SLC3A1: variants seen among roughly 807,000 people sequenced by gnomAD.
The protein encoded by SLC3A1 is amino acid transporter heavy chain SLC3A1.
In SLC3A1, 78 loss-of-function variants were observed where a neutral mutation model predicts 60.3. The ratio of observed to expected loss-of-function variants is 1.29; its 90% CI spans 1.08 to 1.56. The LOEUF (loss-of-function observed/expected upper bound fraction) is 1.56, where lower values mean the gene tolerates loss of function less well. Among genes scored for constraint, SLC3A1 ranks in the 40% most tolerant of loss-of-function variants. The probability of loss-of-function intolerance (pLI) is 0.00; values close to 1 mark genes in which losing one functional copy is unlikely to be tolerated. For missense variants in SLC3A1, 1,172 were observed against 858.9 expected (o/e 1.36, Z -4.56); for synonymous variants, 392 against 307.9 (o/e 1.27, Z -2.86).
intron 7 of SLC3A1, among the ~76,000 whole-genome samples, chr2:44,309,750 C>T (rs1250884646): frequency 6.6e-6 from 1 of 152,036 alleles, no homozygotes; most frequent in Non-Finnish European, 1.5e-5. Context: ...AGGCATGTGC[C>T]AACATGACTG....
chr2:44,304,149 G>T lies in SLC3A1; in HGVS notation c.1143G>T (p.Met381Ile), dbSNP rs1450242721. Reference protein sequence around the residue: ...YSTEPGRYRFMGTEAYAESID... With the variant: ...YSTEPGRYRFIGTEAYAESID... ...ACCTTGTCAACTCTTATAGGTTCAT[G>T]GGGACTGAAGCCTATGCAGAGAGTA... is the stretch of plus-strand genomic sequence containing the variant. The change falls in exon 7 of 10, where the codon ATG becomes ATT. Residue 381 changes from methionine to isoleucine, a missense_variant. Met to Ile is a conservative substitution (Grantham distance 10). Coordinates refer to ENST00000260649, the MANE Select transcript of SLC3A1 (RefSeq NM_000341.4). The T allele has an allele frequency of 6.2e-7, 1 of 1,613,634 alleles. No homozygotes were observed. Among genetic ancestry groups the T allele is most frequent in the Non-Finnish European group, 8.5e-7 (1 of 1,179,658 alleles).
At chr2:44,288,712 C>T (rs72802973) in intron 4 of SLC3A1, among the ~76,000 whole-genome samples, 7,800 of 152,332 alleles carry the variant, frequency 0.051, 275 homozygotes, top group Non-Finnish European at 0.081. Flanking sequence ...AGTGGCATCT[C>T]ACTGGTTGTA....
intron 9 of SLC3A1, among the ~76,000 whole-genome samples, chr2:44,316,626 G>C (rs1558471644): frequency 1.3e-5 from 2 of 152,170 alleles, no homozygotes; most frequent in African/African-American, 2.4e-5. Context: ...GAACAGGTAG[G>C]ATAAAGAGAA....
chr2:44,282,021 G>A (rs78164933), intron 3 of SLC3A1, among the ~76,000 whole-genome samples: 4,206 of 152,132 alleles, frequency 0.028, 103 homozygotes, highest in Middle Eastern at 0.048. Flanking sequence ...ACAGGCGCGC[G>A]TCATCATACT....
At chr2:44,297,736 C>T (rs1282780837) in intron 4 of SLC3A1, among the ~76,000 whole-genome samples, 1 of 152,146 alleles carries the variant, frequency 6.6e-6, no homozygotes, top group Admixed American at 6.5e-5. Context: ...GTTTCAGAGG[C>T]CTACAGACAT....
At position 44,320,683 on chromosome 2, in the gene SLC3A1, T is replaced by C. The variant is rs200953276; in HGVS notation, c.*44T>C. The C allele has an allele frequency of 3.9e-4, 546 of 1,415,566 alleles. 2 individuals carry two copies. The highest frequency in any genetic ancestry group is 1.8e-3 in the Middle Eastern group (10 of 5,666). 87.7% of individuals were successfully genotyped at this position (1,415,566 alleles called of 1,614,324 possible). ...GAAGACACTGGCATTTCAGTGGGAT[T>C]GTAAGCATTTGTAATAGCTTCATGT... On this transcript the variant is annotated 3_prime_UTR_variant, in exon 10 of 10. Coordinates refer to ENST00000260649, the MANE Select transcript of SLC3A1 (RefSeq NM_000341.4).
In SLC3A1 at chr2:44,320,739, T is replaced by C. The variant is rs886056074; in HGVS notation, c.*100T>C. On this transcript the variant is annotated 3_prime_UTR_variant, in exon 10 of 10. Transcript: ENST00000260649. Reference sequence around the variant, plus strand: ...ATGCTGCTTGGTGAACAATCATTAATTCTTCGATATTTCTGTAGCTTGAAT... The same window carrying C: ...ATGCTGCTTGGTGAACAATCATTAACTCTTCGATATTTCTGTAGCTTGAAT... 9 of 924,100 alleles carry C rather than the reference T, an allele frequency of 9.7e-6. No homozygotes were observed. The highest frequency in any genetic ancestry group is 1.6e-5 in the African/African-American group (1 of 61,330). The allele number at this position is 924,100 out of a possible 1,614,324, so 57.2% of individuals were successfully genotyped here. A position where few individuals can be genotyped will look rare whatever the true frequency, so the allele number is the denominator to read the frequency against.
At chr2:44,307,930 A>G (rs529989992) in intron 7 of SLC3A1, among the ~76,000 whole-genome samples, 15 of 152,314 alleles carry the variant, frequency 9.8e-5, no homozygotes, top group Middle Eastern at 3.4e-3. Flanking sequence ...CACATGCTAA[A>G]AAGACTATTC....
chr2:44,312,774 C>CAGCTATAAATACAAG lies in SLC3A1; in HGVS notation c.1500+21_1500+22insAGCTATAAATACAAG, dbSNP rs541213039. On this transcript the variant is annotated intron_variant, in intron 8 of 9. Transcript: ENST00000260649. ...ATATTGTAAGTTGAATACAACTTGA[C>CAGCTATAAATACAAG]TATTCATCACAGCTATAAAACCAAG... 7,713 of 1,596,060 alleles carry CAGCTATAAATACAAG rather than the reference C, an allele frequency of 4.8e-3. 350 individuals carry two copies. In the African/African-American group the frequency reaches 0.09, roughly 19 times the overall value.
intron 9 of SLC3A1, chr2:44,319,015 CTT>C (rs1458179849): frequency 6.6e-6 from 1 of 152,308 alleles, no homozygotes; most frequent in East Asian, 1.9e-4. Context: ...CCGGGCACTT[CTT>C]ATGTGAGTGG....
In SLC3A1 at chr2:44,321,029, A is replaced by G; in HGVS notation, c.*390A>G. 4 of 389,888 alleles carry G rather than the reference A, an allele frequency of 1.0e-5. No individual in the cohort carries two copies. Among genetic ancestry groups the G allele is most frequent in the South Asian group, 5.7e-5 (2 of 34,950 alleles). 24.2% of individuals were successfully genotyped at this position (389,888 alleles called of 1,614,324 possible). On this transcript the variant is annotated 3_prime_UTR_variant, in exon 10 of 10. Coordinates refer to ENST00000260649, the MANE Select transcript of SLC3A1 (RefSeq NM_000341.4). The stretch of plus-strand genomic sequence containing the variant: ...GCATTTGCTAGCAAAGAGGCAGGAC[A>G]CTAATTTGTAAACTGCTCAACTGTT...
intron 4 of SLC3A1, among the ~76,000 whole-genome samples, chr2:44,296,831 G>T (rs1022337855): frequency 2.0e-5 from 3 of 152,104 alleles, no homozygotes; most frequent in African/African-American, 7.2e-5. Flanking sequence ...TTGAATCATG[G>T]GTGTGGTTTC....
At chr2:44,306,123 G>C (rs1013882885) in intron 7 of SLC3A1, among the ~76,000 whole-genome samples, 5 of 152,086 alleles carry the variant, frequency 3.3e-5, no homozygotes, top group African/African-American at 1.2e-4. Flanking sequence ...ACTTACCAAA[G>C]GTGTGCCTTA....
At chr2:44,320,089 C>A (rs1672795234) in intron 9 of SLC3A1, 110 bp from the exon 10 acceptor site, 2 of 949,510 alleles carry the variant, frequency 2.1e-6, no homozygotes, top group East Asian at 5.2e-5. Context: ...TTATAAGGGG[C>A]AAAATTGGAG....
chr2:44,283,019 A>G (rs374073441), intron 3 of SLC3A1, among the ~76,000 whole-genome samples: 24 of 152,208 alleles, frequency 1.6e-4, no homozygotes, highest in African/African-American at 5.8e-4. Context: ...GTAACTGGGC[A>G]TCCTGCACTT....
At position 44,275,994 on chromosome 2, in the gene SLC3A1, G is replaced by A. The variant is rs777261582; in HGVS notation, c.430+29G>A. 121 of 1,600,664 alleles carry A rather than the reference G, an allele frequency of 7.6e-5. 1 individual carries two copies. Among genetic ancestry groups the A allele is most frequent in the Admixed American group, 1.5e-4 (9 of 59,982 alleles). On this transcript the variant is annotated intron_variant, in intron 1 of 9. Transcript: ENST00000260649. ...CATGCCCAGAGATCATTTAGGGTGG[G>A]TGCCAGGATGAGATTGGTTTATGGT...
chr2:44,318,937 T>C (rs967764200), intron 9 of SLC3A1: 1 of 152,138 alleles, frequency 6.6e-6, no homozygotes, highest in East Asian at 1.9e-4. Flanking sequence ...AATCTGCAAT[T>C]ACAGAAAAAG....
At chr2:44,277,798 T>C (rs1332507388) in intron 1 of SLC3A1, among the ~76,000 whole-genome samples, 1 of 152,212 alleles carries the variant, frequency 6.6e-6, no homozygotes, top group Non-Finnish European at 1.5e-5. Flanking sequence ...TCTAATCAGC[T>C]CTGATGTTTG....
intron 7 of SLC3A1, among the ~76,000 whole-genome samples, chr2:44,305,979 C>T (rs1672145163): frequency 6.6e-6 from 1 of 152,158 alleles, no homozygotes; most frequent in Admixed American, 6.5e-5. Flanking sequence ...TCTGCTTTCC[C>T]CACTAGACAG....
Sources: gnomAD v4.1 joint callset for allele counts (sites outside exome capture counted in the v4.1 genomes callset) on GRCh38, gnomAD v4.1.1 for gene constraint, MANE v1.5 for transcripts, NCBI Gene and HGNC (gene_info 2026-07-23, HGNC 2026-07-21) for gene names.